Variants in ERBB4 observed in about 807,000 individuals in gnomAD.
ERBB4 encodes the protein receptor tyrosine-protein kinase erbB-4.
A neutral mutation model predicts 158.0 loss-of-function variants in ERBB4; 42 were observed. That is an observed-to-expected ratio of 0.27 (90% CI 0.21 to 0.34). The LOEUF (loss-of-function observed/expected upper bound fraction) is 0.34, where lower values mean the gene tolerates loss of function less well. ERBB4 is among the 10% of genes least tolerant of loss of function. The pLI, the probability that ERBB4 is intolerant of heterozygous loss-of-function variation, is 1.00. For missense variants in ERBB4, 1,333 were observed against 1,624.1 expected (o/e 0.82, Z 3.08); for synonymous variants, 583 against 558.7 (o/e 1.04, Z -0.61).
chr2:212,059,157 A>C (rs2077677951), intron 2 of ERBB4, among the ~76,000 whole-genome samples: 1 of 152,226 alleles, frequency 6.6e-6, no homozygotes, highest in Admixed American at 6.5e-5. Flanking sequence ...ACAGACAATC[A>C]GAGAGCCAAA....
chr2:212,356,795 A>T (rs1489151798), intron 1 of ERBB4, among the ~76,000 whole-genome samples: 1 of 151,912 alleles, frequency 6.6e-6, no homozygotes, highest in Non-Finnish European at 1.5e-5. Flanking sequence ...TATTCAGTCA[A>T]ATTGCTTGAA....
At chr2:211,621,607 G>C (rs542711002) in intron 18 of ERBB4, among the ~76,000 whole-genome samples, 1 of 152,128 alleles carries the variant, frequency 6.6e-6, no homozygotes, top group East Asian at 1.9e-4. Context: ...ACATTAGATA[G>C]TGTTTAGTCT....
At chr2:211,930,324 T>C (rs115166687) in intron 3 of ERBB4, among the ~76,000 whole-genome samples, 5 of 152,280 alleles carry the variant, frequency 3.3e-5, no homozygotes, top group African/African-American at 1.2e-4. Context: ...ACTTTTACAG[T>C]GGTTCTAAGC....
Position 211,849,192 on chromosome 2 carries a change from A to G in ERBB4, c.422-61033T>C, listed in dbSNP as rs545581175. 1.9e-4 allele frequency among the ~76,000 whole-genome samples: 29 copies of G among 152,158 alleles called. 1 individual carries two copies. The highest frequency in any genetic ancestry group is 6.5e-4 in the African/African-American group (27 of 41,554). On this transcript the variant is annotated intron_variant, in intron 3 of 27. Coordinates refer to ENST00000342788, the MANE Select transcript of ERBB4 (RefSeq NM_005235.3). ...ACATGAAAAAGTATTATGACTAGAT[A>G]GTTCTGCTTTATAAATAGTATGCAT...
chr2:211,440,260 C>T (rs923572125), intron 20 of ERBB4, among the ~76,000 whole-genome samples: 28 of 152,100 alleles, frequency 1.8e-4, no homozygotes, highest in Non-Finnish European at 2.8e-4. Context: ...GGGAGGTGTA[C>T]TTAAAGTGCA....
intron 1 of ERBB4, among the ~76,000 whole-genome samples, chr2:212,326,271 T>C (rs1344352057): frequency 1.3e-5 from 2 of 150,862 alleles, no homozygotes; most frequent in Non-Finnish European, 3.0e-5. Flanking sequence ...CATCCTATAT[T>C]ATTTATATTC....
chr2:211,560,823 T>C (rs1314864021), intron 20 of ERBB4, among the ~76,000 whole-genome samples: 1 of 152,224 alleles, frequency 6.6e-6, no homozygotes, highest in Non-Finnish European at 1.5e-5. Flanking sequence ...TGAGCTTTTC[T>C]GTCAAGTAAA....
chr2:212,451,192 G>C (rs2092440874), intron 1 of ERBB4, among the ~76,000 whole-genome samples: 1 of 152,094 alleles, frequency 6.6e-6, no homozygotes, highest in Non-Finnish European at 1.5e-5. Flanking sequence ...GAATTGTTGA[G>C]GATTATGACA....
At chr2:211,627,833 C>G (rs2069921654) in intron 17 of ERBB4, among the ~76,000 whole-genome samples, 1 of 152,134 alleles carries the variant, frequency 6.6e-6, no homozygotes, top group Admixed American at 6.5e-5. Flanking sequence ...TCCCTGTATC[C>G]TGTACCATGA....
intron 16 of ERBB4, among the ~76,000 whole-genome samples, chr2:211,656,372 T>C (rs73080737): frequency 0.016 from 2,362 of 152,328 alleles, 60 homozygotes; most frequent in African/African-American, 0.054. Flanking sequence ...ACTTTAGTAC[T>C]ACCTTCTCTC....
intron 2 of ERBB4, among the ~76,000 whole-genome samples, chr2:211,994,609 C>T (rs1213001930): frequency 1.3e-5 from 2 of 151,740 alleles, no homozygotes; most frequent in Non-Finnish European, 2.9e-5. Flanking sequence ...CATACATTTA[C>T]ATTTTTATCC....
At chr2:211,819,228 C>A (rs1305195899) in intron 3 of ERBB4, among the ~76,000 whole-genome samples, 1 of 151,960 alleles carries the variant, frequency 6.6e-6, no homozygotes, top group Non-Finnish European at 1.5e-5. Context: ...TTTGTGATTG[C>A]ACATTCTGAG....
intron 20 of ERBB4, among the ~76,000 whole-genome samples, chr2:211,433,384 A>C (rs2063784748): frequency 6.6e-6 from 1 of 151,974 alleles, no homozygotes; most frequent in Non-Finnish European, 1.5e-5. Context: ...GATCGAGACC[A>C]TCCTGGCTAA....
chr2:212,092,066 A>G (rs972830070), intron 2 of ERBB4, among the ~76,000 whole-genome samples: 2 of 152,266 alleles, frequency 1.3e-5, no homozygotes, highest in Middle Eastern at 3.4e-3. Context: ...AAAAATTATT[A>G]TAACTCTAGG....
intron 2 of ERBB4, among the ~76,000 whole-genome samples, chr2:212,024,807 C>T (rs1436613139): frequency 6.6e-6 from 1 of 151,802 alleles, no homozygotes; most frequent in African/African-American, 2.4e-5. Context: ...CTAAAATCTA[C>T]ACTCTAGAGA....
At chr2:212,045,619 T>G (rs2077242330) in intron 2 of ERBB4, among the ~76,000 whole-genome samples, 1 of 152,146 alleles carries the variant, frequency 6.6e-6, no homozygotes, top group Non-Finnish European at 1.5e-5. Context: ...GAGGACTAAG[T>G]AAGAGTGGAT....
chr2:212,045,785 G>A (rs947042055), intron 2 of ERBB4, among the ~76,000 whole-genome samples: 1 of 152,296 alleles, frequency 6.6e-6, no homozygotes, highest in South Asian at 2.1e-4. Context: ...GTAGTCTGCT[G>A]AAATAACCAA....
chr2:212,491,372 A>G (rs1690267353), intron 1 of ERBB4, among the ~76,000 whole-genome samples: 2 of 151,744 alleles, frequency 1.3e-5, no homozygotes, highest in Admixed American at 6.6e-5. Context: ...CACGACCTTT[A>G]TAACTCAGGA....
chr2:211,957,631 G>A (rs1436686223), intron 2 of ERBB4, among the ~76,000 whole-genome samples: 1 of 152,114 alleles, frequency 6.6e-6, no homozygotes, highest in East Asian at 1.9e-4. Flanking sequence ...ATTTTGAGAA[G>A]TGTATCTCTA....
Sources: gnomAD v4.1 joint callset for allele counts (sites outside exome capture counted in the v4.1 genomes callset) on GRCh38, gnomAD v4.1.1 for gene constraint, MANE v1.5 for transcripts, NCBI Gene and HGNC (gene_info 2026-07-23, HGNC 2026-07-21) for gene names.